The following NEGR1 variants were observed in gnomAD, a reference collection of about 807,000 sequenced individuals.
NEGR1 encodes neuronal growth regulator 1.
Under a neutral mutation model 40.9 loss-of-function variants are expected in NEGR1, and 10 were observed. The ratio of observed to expected loss-of-function variants is 0.24; its 90% CI spans 0.15 to 0.42. The LOEUF (loss-of-function observed/expected upper bound fraction) is 0.42, where lower values mean the gene tolerates loss of function less well. NEGR1 is among the 10% of genes least tolerant of loss of function. NEGR1 has a pLI of 1.00. For missense variants in NEGR1, 352 were observed against 438.9 expected, an observed-to-expected ratio of 0.80 and a Z score of 1.77; for synonymous variants, 185 against 166.8, an observed-to-expected ratio of 1.11 and a Z score of -0.84.
chr1:71,802,796 A>T (rs1344827953), intron 2 of NEGR1, among the ~76,000 whole-genome samples: 1 of 152,150 alleles, frequency 6.6e-6, no homozygotes, highest in Non-Finnish European at 1.5e-5. Context: ...TTTCTAATCC[A>T]CTGTTGTAAT....
At chr1:71,844,865 T>A (rs1258668958) in intron 2 of NEGR1, among the ~76,000 whole-genome samples, 2 of 152,162 alleles carry the variant, frequency 1.3e-5, no homozygotes, top group African/African-American at 4.8e-5. Context: ...TTCCTAGACA[T>A]CCTGGTGGAC....
chr1:72,057,506 A>C (rs1253149463), intron 1 of NEGR1, among the ~76,000 whole-genome samples: 1 of 151,278 alleles, frequency 6.6e-6, no homozygotes, highest in Non-Finnish European at 1.5e-5. Flanking sequence ...AAGAAAAGAG[A>C]CTTTCTATTC....
At chr1:72,213,727 G>A (rs994078428) in intron 1 of NEGR1, among the ~76,000 whole-genome samples, 2 of 151,870 alleles carry the variant, frequency 1.3e-5, no homozygotes, top group African/African-American at 2.4e-5. Flanking sequence ...GTAATTAATA[G>A]ACTACCAACC....
intron 4 of NEGR1, among the ~76,000 whole-genome samples, chr1:71,685,567 G>A (rs559718559): frequency 1.3e-5 from 2 of 152,078 alleles, no homozygotes; most frequent in Admixed American, 1.3e-4. Flanking sequence ...TTCTCTGTCC[G>A]CATTGGCTTT....
chr1:71,756,474 A>G (rs1020240213), intron 3 of NEGR1, among the ~76,000 whole-genome samples: 2 of 152,032 alleles, frequency 1.3e-5, no homozygotes, highest in African/African-American at 2.4e-5. Flanking sequence ...GAGGGTTGAG[A>G]AGCCATTTTA....
chr1:71,488,696 A>G (rs1167810071), intron 6 of NEGR1, among the ~76,000 whole-genome samples: 1 of 151,678 alleles, frequency 6.6e-6, no homozygotes, highest in Non-Finnish European at 1.5e-5. Flanking sequence ...TTCTTCTATT[A>G]TATTATGAAC....
At chr1:71,999,222 C>T (rs1052963807) in intron 1 of NEGR1, among the ~76,000 whole-genome samples, 1 of 151,810 alleles carries the variant, frequency 6.6e-6, no homozygotes, top group African/African-American at 2.4e-5. Flanking sequence ...TTCAATGAGG[C>T]CATCATTACT....
intron 6 of NEGR1, among the ~76,000 whole-genome samples, chr1:71,592,437 A>G (rs1230028532): frequency 6.6e-6 from 1 of 152,208 alleles, no homozygotes; most frequent in Non-Finnish European, 1.5e-5. Context: ...AAAACCAACC[A>G]AGAGTAAATT....
At chr1:71,536,241 G>A (rs1647510466) in intron 6 of NEGR1, among the ~76,000 whole-genome samples, 1 of 151,672 alleles carries the variant, frequency 6.6e-6, no homozygotes, top group African/African-American at 2.4e-5. Context: ...GCCATGGCTT[G>A]CATATGGTAT....
At chr1:71,625,243 T>C (rs1650732810) in intron 4 of NEGR1, among the ~76,000 whole-genome samples, 1 of 151,834 alleles carries the variant, frequency 6.6e-6, no homozygotes, top group South Asian at 2.1e-4. Context: ...TTGATTTTTT[T>C]GTGTGTATGA....
chr1:71,614,792 G>A (rs1183095626), intron 4 of NEGR1, among the ~76,000 whole-genome samples: 4 of 152,226 alleles, frequency 2.6e-5, no homozygotes, highest in East Asian at 1.9e-4. Context: ...GTAATGAACC[G>A]AAATCAAAAT....
chr1:71,592,590 A>G (rs952618136), intron 6 of NEGR1, among the ~76,000 whole-genome samples: 3 of 152,174 alleles, frequency 2.0e-5, no homozygotes, highest in Admixed American at 1.3e-4. Flanking sequence ...CAGCTCTAAC[A>G]TATTTTTTTA....
intron 1 of NEGR1, among the ~76,000 whole-genome samples, chr1:72,145,691 T>C (rs1466273306): frequency 6.6e-6 from 1 of 152,134 alleles, no homozygotes; most frequent in Non-Finnish European, 1.5e-5. Context: ...TATCCTAGGA[T>C]AATTGTTTTG....
At chr1:72,126,028 C>T (rs1247991655) in intron 1 of NEGR1, among the ~76,000 whole-genome samples, 1 of 150,818 alleles carries the variant, frequency 6.6e-6, no homozygotes, top group Non-Finnish European at 1.5e-5. Flanking sequence ...TAAAAATCTA[C>T]CAAGACTGTT....
intron 3 of NEGR1, among the ~76,000 whole-genome samples, chr1:71,745,816 C>T (rs965055775): frequency 6.6e-6 from 1 of 152,136 alleles, no homozygotes; most frequent in Non-Finnish European, 1.5e-5. Context: ...AAATCATAAC[C>T]TGTTTTTCCC....
intron 3 of NEGR1, among the ~76,000 whole-genome samples, chr1:71,731,345 C>T (rs1170706432): frequency 6.6e-6 from 1 of 152,202 alleles, no homozygotes; most frequent in Non-Finnish European, 1.5e-5. Flanking sequence ...AAATGACCAT[C>T]ACTGCATGAT....
chr1:72,276,103 A>C (rs1231458104), intron 1 of NEGR1, among the ~76,000 whole-genome samples: 1 of 152,018 alleles, frequency 6.6e-6, no homozygotes, highest in Admixed American at 6.6e-5. Context: ...TCTCAGAAAA[A>C]GAAAAGAAAA....
At chr1:71,478,307 T>G (rs1646834597) in intron 6 of NEGR1, among the ~76,000 whole-genome samples, 1 of 152,202 alleles carries the variant, frequency 6.6e-6, no homozygotes, top group Middle Eastern at 3.4e-3. Context: ...CTTCAGATCC[T>G]TGGCATGAAA....
chr1:71,495,476 CGGA>C (rs1557545692), intron 6 of NEGR1, among the ~76,000 whole-genome samples: 1 of 88,892 alleles, frequency 1.1e-5, no homozygotes. Flanking sequence ...GACTCCATCT[CGGA>C]AAAAAAAAAA....
Sources: allele counts gnomAD v4.1 joint callset (sites outside exome capture counted in the v4.1 genomes callset), GRCh38; gene constraint gnomAD v4.1.1; transcripts MANE v1.5; gene names NCBI Gene and HGNC (gene_info 2026-07-23, HGNC 2026-07-21).